Variants in PROS1 observed in about 807,000 individuals in gnomAD.
The protein encoded by PROS1 is protein S, also known as vitamin K-dependent protein S.
Under a neutral mutation model 75.9 loss-of-function variants are expected in PROS1, and 29 were observed. The ratio of observed to expected loss-of-function variants is 0.38; its 90% CI spans 0.28 to 0.52. PROS1 has a LOEUF of 0.52. Ranked by LOEUF, PROS1 falls within the 20% of genes least tolerant of loss-of-function variation. PROS1 has a pLI of 0.83. For synonymous variants in PROS1, 245 were observed against 280.6 expected, an observed-to-expected ratio of 0.87 and a Z score of 1.27; for missense variants, 680 against 810.3, an observed-to-expected ratio of 0.84 and a Z score of 1.95.
At chr3:93,917,310 GT>G (rs1241456508) in intron 3 of PROS1, among the ~76,000 whole-genome samples, 2 of 151,984 alleles carry the variant, frequency 1.3e-5, no homozygotes, top group Admixed American at 6.6e-5. Flanking sequence ...TTGTTTCTTT[GT>G]TTTTTTCTTT....
At chr3:93,885,270 T>C (rs1708329834) in intron 11 of PROS1, among the ~76,000 whole-genome samples, 1 of 152,128 alleles carries the variant, frequency 6.6e-6, no homozygotes, top group South Asian at 2.1e-4. Flanking sequence ...GATGGAGTCT[T>C]GCTGGAGTGC....
At chr3:93,940,814 G>C (rs751869230) in intron 1 of PROS1, among the ~76,000 whole-genome samples, 85 of 152,228 alleles carry the variant, frequency 5.6e-4, no homozygotes, top group Non-Finnish European at 9.6e-4. Context: ...TACAGCATGG[G>C]CTTCTAAAAC....
At chr3:93,892,718 A>G (rs1011929717) in intron 10 of PROS1, among the ~76,000 whole-genome samples, 6 of 152,200 alleles carry the variant, frequency 3.9e-5, no homozygotes, top group Non-Finnish European at 7.3e-5. Context: ...AAGACAGAGT[A>G]GTTCAAGCAA....
chr3:93,954,682 T>A (rs1709568642), intron 1 of PROS1, among the ~76,000 whole-genome samples: 1 of 152,134 alleles, frequency 6.6e-6, no homozygotes. Flanking sequence ...ACTTCATGAC[T>A]AAAGTACCAA....
intron 1 of PROS1, among the ~76,000 whole-genome samples, chr3:93,936,459 T>G (rs1245723710): frequency 6.6e-6 from 1 of 151,970 alleles, no homozygotes; most frequent in Non-Finnish European, 1.5e-5. Flanking sequence ...ATAATAATAA[T>G]AAAGGATTAG....
rs8178642 is a variant in PROS1 at position 93,891,862 on chromosome 3, C to T, written c.1155+1071G>A. Among the ~76,000 whole-genome samples the T allele has an allele frequency of 4.1e-3, 617 of 152,152 alleles. 6 individuals are homozygous for T. The highest frequency in any genetic ancestry group is 0.014 in the African/African-American group (593 of 41,520). ...AGGATTCCTTGAGTTCAAGACCAGC[C>T]TGGGCAACATAGCAAGACCCTGTGT... On this transcript the variant is annotated intron_variant, in intron 10 of 14. Coordinates refer to ENST00000394236, the MANE Select transcript of PROS1 (RefSeq NM_000313.4).
At chr3:93,956,401 G>T (rs1326773645) in intron 1 of PROS1, among the ~76,000 whole-genome samples, 1 of 152,054 alleles carries the variant, frequency 6.6e-6, no homozygotes, top group Non-Finnish European at 1.5e-5. Flanking sequence ...AGAGGCTGAG[G>T]TAGGAGGATT....
intron 1 of PROS1, among the ~76,000 whole-genome samples, chr3:93,965,820 G>C (rs1211783086): frequency 6.6e-6 from 1 of 152,056 alleles, no homozygotes; most frequent in East Asian, 1.9e-4. Flanking sequence ...TCAGCCTCCT[G>C]AGTAGCTGGA....
chr3:93,928,140 G>A (rs1487669826), intron 1 of PROS1, among the ~76,000 whole-genome samples: 1 of 144,508 alleles, frequency 6.9e-6, no homozygotes, highest in African/African-American at 2.6e-5. Flanking sequence ...TCAGCCTCCT[G>A]AGTAGCTGGG....
At position 93,914,494 on chromosome 3, in the gene PROS1, C is replaced by T. The variant is rs537685968; in HGVS notation, c.260-3789G>A. ...GGACACTGTGCTGAAATTCAAGCAGCAGAGTCCCTAGGTCGTGCAGAGCAG... is the reference window on the plus strand; with the variant it reads ...GGACACTGTGCTGAAATTCAAGCAGTAGAGTCCCTAGGTCGTGCAGAGCAG... On this transcript the variant is annotated intron_variant, in intron 3 of 14. Coordinates refer to ENST00000394236, the MANE Select transcript of PROS1 (RefSeq NM_000313.4). Among the ~76,000 whole-genome samples, 4 of 152,278 alleles carry T rather than the reference C, an allele frequency of 2.6e-5. No homozygotes were observed. The East Asian group carries it at 7.7e-4, about 29-fold the overall frequency.
At chr3:93,929,429 T>C (rs181709451) in intron 1 of PROS1, among the ~76,000 whole-genome samples, 42 of 152,022 alleles carry the variant, frequency 2.8e-4, no homozygotes, top group African/African-American at 1.0e-3. Flanking sequence ...TATAGTCAGC[T>C]ATGATCACAC....
At chr3:93,881,352 GA>G (rs1340184684) in intron 12 of PROS1, among the ~76,000 whole-genome samples, 2 of 151,802 alleles carry the variant, frequency 1.3e-5, no homozygotes, top group Non-Finnish European at 2.9e-5. Flanking sequence ...AGTAAATATA[GA>G]CTACGAAAGA....
intron 13 of PROS1, among the ~76,000 whole-genome samples, chr3:93,878,441 C>T (rs571033494): frequency 1.2e-4 from 19 of 152,302 alleles, no homozygotes; most frequent in African/African-American, 4.6e-4. Flanking sequence ...AGGTCTCTTT[C>T]TAAAATCTAC....
At chr3:93,957,498 G>C (rs996977486) in intron 1 of PROS1, among the ~76,000 whole-genome samples, 3 of 152,086 alleles carry the variant, frequency 2.0e-5, no homozygotes, top group African/African-American at 7.2e-5. Flanking sequence ...GAGACCCAAA[G>C]GTCTAAATTC....
chr3:93,900,750 C>T, intron 7 of PROS1, 54 bp downstream of exon 7: 1 of 1,607,776 alleles, frequency 6.2e-7, no homozygotes, highest in Admixed American at 1.7e-5. Flanking sequence ...AATATCAGTT[C>T]AGGGTTCACA....
At chr3:93,905,604 C>G (rs1191463679) in intron 6 of PROS1, among the ~76,000 whole-genome samples, 180 bp downstream of exon 6, 1 of 152,172 alleles carries the variant, frequency 6.6e-6, no homozygotes. Context: ...GACCCTATCT[C>G]TCAAAAACAA....
chr3:93,955,689 A>C (rs1432971817), intron 1 of PROS1, among the ~76,000 whole-genome samples: 14 of 151,924 alleles, frequency 9.2e-5, no homozygotes, highest in Non-Finnish European at 2.1e-4. Flanking sequence ...ACAAACCTGC[A>C]CGTTGTGTAC....
At chr3:93,939,340 C>T (rs571877480) in intron 1 of PROS1, among the ~76,000 whole-genome samples, 6 of 152,152 alleles carry the variant, frequency 3.9e-5, no homozygotes, top group South Asian at 2.1e-4. Flanking sequence ...CCCTCTCGCC[C>T]GTCCCCTCAG....
chr3:93,899,620 G>C (rs956045562), intron 7 of PROS1, among the ~76,000 whole-genome samples: 12 of 152,202 alleles, frequency 7.9e-5, no homozygotes, highest in Middle Eastern at 3.4e-3. Context: ...GCGGGGGCTG[G>C]CAGGGGAATA....
Sources: allele counts gnomAD v4.1 joint callset (sites outside exome capture counted in the v4.1 genomes callset), GRCh38; gene constraint gnomAD v4.1.1; transcripts MANE v1.5; gene names NCBI Gene and HGNC (gene_info 2026-07-23, HGNC 2026-07-21).